SSUH2: variants seen among roughly 807,000 people sequenced by gnomAD.
SSUH2 encodes the protein protein SSUH2 homolog.
SSUH2 carries 47 observed loss-of-function variants against 55.3 expected under a neutral mutation model. That is an observed-to-expected ratio of 0.85 (90% CI 0.67 to 1.08). The LOEUF (loss-of-function observed/expected upper bound fraction) is 1.08, where lower values mean the gene tolerates loss of function less well. Ranked by LOEUF, SSUH2 falls within the 50% of genes least tolerant of loss-of-function variation. The pLI is 0.00. For missense variants in SSUH2, 535 were observed against 490.7 expected (o/e 1.09, Z -0.85); for synonymous variants, 212 against 191.5 (o/e 1.11, Z -0.89).
At chr3:8,667,155 G>A (rs1302925070) in intron 5 of SSUH2, among the ~76,000 whole-genome samples, 2 of 152,244 alleles carry the variant, frequency 1.3e-5, no homozygotes, top group Non-Finnish European at 2.9e-5. Context: ...TGGGCTGCTG[G>A]ACTGAATAGA....
At chr3:8,654,047 G>C (rs1020207964) in intron 7 of SSUH2, among the ~76,000 whole-genome samples, 117 of 152,336 alleles carry the variant, frequency 7.7e-4, no homozygotes, top group African/African-American at 2.5e-3. Context: ...TTAAATGACA[G>C]AAATGTATTT....
intron 6 of SSUH2, among the ~76,000 whole-genome samples, chr3:8,661,567 C>G (rs1377524693): frequency 6.6e-6 from 1 of 152,210 alleles, no homozygotes; most frequent in Non-Finnish European, 1.5e-5. Flanking sequence ...TGGATGCTGA[C>G]AGGAGGCGTG....
chr3:8,634,082 T>TC, intron 3 of SSUH2: 2 of 865,194 alleles, frequency 2.3e-6, no homozygotes, highest in Non-Finnish European at 3.5e-6. Flanking sequence ...AACACAACCT[T>TC]AGAGAGGAAT....
chr3:8,669,419 A>G (rs1479034004), intron 5 of SSUH2, among the ~76,000 whole-genome samples: 2 of 152,250 alleles, frequency 1.3e-5, no homozygotes, highest in Non-Finnish European at 2.9e-5. Context: ...AGGAAAGTAG[A>G]CAAACTTTAT....
intron 11 of SSUH2, among the ~76,000 whole-genome samples, chr3:8,620,995 C>T (rs1696316596): frequency 6.6e-6 from 1 of 152,116 alleles, no homozygotes; most frequent in Non-Finnish European, 1.5e-5. Flanking sequence ...ATATGAGGCC[C>T]TGAACAGAAA....
chr3:8,681,451 C>T (rs1365367416), intron 1 of SSUH2, among the ~76,000 whole-genome samples: 1 of 150,186 alleles, frequency 6.7e-6, no homozygotes, highest in African/African-American at 2.5e-5. Flanking sequence ...CCTCTTCCCC[C>T]ACTGGCTCTT....
intron 10 of SSUH2, among the ~76,000 whole-genome samples, chr3:8,624,023 G>A (rs780903499): frequency 3.3e-5 from 5 of 152,156 alleles, no homozygotes; most frequent in South Asian, 4.1e-4. Context: ...CATTCAAACC[G>A]CCCTCTAAGG....
chr3:8,679,374 G>A (rs1421288800), intron 2 of SSUH2, among the ~76,000 whole-genome samples: 1 of 89,280 alleles, frequency 1.1e-5, no homozygotes, highest in Admixed American at 1.3e-4. Context: ...TTGGCGGGAG[G>A]CATCCCCCAG....
At chr3:8,629,782 C>T (rs1266742290) in intron 6 of SSUH2, 56 bp from the exon 7 acceptor site, 2 of 1,538,112 alleles carry the variant, frequency 1.3e-6, no homozygotes, top group African/African-American at 2.7e-5. Context: ...TTCTCCCACA[C>T]CCATAACATC....
upstream of SSUH2, among the ~76,000 whole-genome samples, chr3:8,646,327 T>C (rs1701677488): frequency 6.6e-6 from 1 of 152,242 alleles, no homozygotes; most frequent in African/African-American, 2.4e-5. Flanking sequence ...TCTTGAGTAC[T>C]TTTTAAGCGC....
intron 7 of SSUH2, among the ~76,000 whole-genome samples, chr3:8,656,812 G>A (rs992300030): frequency 2.0e-5 from 3 of 152,136 alleles, no homozygotes; most frequent in Non-Finnish European, 2.9e-5. Context: ...TGGCTCCCAC[G>A]ATGAGTCTGC....
intron 10 of SSUH2, among the ~76,000 whole-genome samples, chr3:8,624,001 T>C (rs1163052657): frequency 6.6e-6 from 1 of 152,152 alleles, no homozygotes; most frequent in East Asian, 1.9e-4. Flanking sequence ...TCAGATTCAT[T>C]TCTCATGTAC....
At chr3:8,678,459 C>A (rs1414503544) in intron 2 of SSUH2, among the ~76,000 whole-genome samples, 2 of 151,692 alleles carry the variant, frequency 1.3e-5, no homozygotes, top group East Asian at 1.9e-4. Flanking sequence ...CGCCTCTATC[C>A]CCCCCTGGCT....
intron 3 of SSUH2, among the ~76,000 whole-genome samples, chr3:8,672,533 A>G (rs1255765280): frequency 6.6e-6 from 1 of 151,952 alleles, no homozygotes; most frequent in Non-Finnish European, 1.5e-5. Flanking sequence ...CCCCTGCCAT[A>G]TTGGGAGTCT....
At chr3:8,641,994 T>C (rs1284484429) in intron 1 of SSUH2, among the ~76,000 whole-genome samples, 2 of 152,148 alleles carry the variant, frequency 1.3e-5, no homozygotes, top group African/African-American at 2.4e-5. Flanking sequence ...ACTCGTGATC[T>C]CAATCCTGCC....
chr3:8,638,971 G>T (rs1438228622), intron 1 of SSUH2, among the ~76,000 whole-genome samples: 1 of 152,194 alleles, frequency 6.6e-6, no homozygotes, highest in Non-Finnish European at 1.5e-5. Flanking sequence ...AGAATGAGAG[G>T]TGGGAAACTC....
intron 1 of SSUH2, among the ~76,000 whole-genome samples, chr3:8,681,163 G>C (rs1033812804): frequency 9.3e-5 from 13 of 139,820 alleles, no homozygotes; most frequent in African/African-American, 3.0e-4. Flanking sequence ...TCCATAGCAG[G>C]GGGGGGAGTC....
At chr3:8,658,781 A>G (rs1350133952) in intron 7 of SSUH2, 6 of 152,220 alleles carry the variant, frequency 3.9e-5, no homozygotes, top group Admixed American at 1.3e-4. Flanking sequence ...TTCTCCTTCT[A>G]TTACCCACAA....
At position 8,631,913 on chromosome 3, in the gene SSUH2, A is replaced by G. The variant is rs541202317; in HGVS notation, c.400+136T>C. 7 of 655,276 alleles carry G rather than the reference A, an allele frequency of 1.1e-5. No individual in the cohort carries two copies. The East Asian group carries it at 1.9e-4, about 18-fold the overall frequency. 40.6% of individuals were successfully genotyped at this position (655,276 alleles called of 1,614,324 possible). ...ATGAAAGTCCATCCTCTCATTTTGC[A>G]GGGGGTAAGGAAGCCAAGGCTCCAA... is the stretch of plus-strand genomic sequence containing the variant. On this transcript the variant is annotated intron_variant, in intron 5 of 11. Coordinates refer to ENST00000544814, the MANE Select transcript of SSUH2 (RefSeq NM_001256748.3).
Sources: gnomAD v4.1 joint callset for allele counts (sites outside exome capture counted in the v4.1 genomes callset) on GRCh38, gnomAD v4.1.1 for gene constraint, MANE v1.5 for transcripts, NCBI Gene and HGNC (gene_info 2026-07-23, HGNC 2026-07-21) for gene names.